Variants in AGTR1 observed in about 807,000 individuals in gnomAD.
The protein encoded by AGTR1 is angiotensin II receptor type 1.
In AGTR1, 16 loss-of-function variants were observed where a neutral mutation model predicts 19.4. That is an observed-to-expected ratio of 0.82 (90% CI 0.56 to 1.25). AGTR1 has a LOEUF of 1.25. Ranked by LOEUF, AGTR1 falls within the 50% of genes most tolerant of loss-of-function variation. The probability of loss-of-function intolerance (pLI) is 0.00; values close to 1 mark genes in which losing one functional copy is unlikely to be tolerated. For missense variants in AGTR1, 373 were observed against 431.9 expected (o/e 0.86, Z 1.21); for synonymous variants, 153 against 154.9 (o/e 0.99, Z 0.09).
rs1714961649 is a variant in AGTR1 at position 148,742,236 on chromosome 3, T to A, written c.*121T>A. 1.5e-6 allele frequency: 2 copies of A among 1,368,886 alleles called. No individual in the cohort carries two copies. The highest frequency in any genetic ancestry group is 1.8e-4 in the Middle Eastern group (1 of 5,612). The allele number at this position is 1,368,886 out of a possible 1,614,324, so 84.8% of individuals were successfully genotyped here. ...TTTCAGAATTGAAGGAGAAAATGCA[T>A]TATGTGGACTGAACCGACTTTTCTA... On this transcript the variant is annotated 3_prime_UTR_variant, in exon 3 of 3. Coordinates refer to ENST00000349243, the MANE Select transcript of AGTR1 (RefSeq NM_000685.5).
intron 2 of AGTR1, among the ~76,000 whole-genome samples, chr3:148,728,283 T>G (rs1714067496): frequency 6.6e-6 from 1 of 152,158 alleles, no homozygotes; most frequent in Admixed American, 6.5e-5. Flanking sequence ...ATGAAAGCAA[T>G]TAATGCAACA....
At chr3:148,739,654 C>G (rs998201524) in intron 2 of AGTR1, 1 of 673,804 alleles carries the variant, frequency 1.5e-6, no homozygotes, top group Non-Finnish European at 2.1e-6. Flanking sequence ...TAAAAGCTGA[C>G]TACTGGAGTT....
rs1280612178 is a variant in AGTR1 at position 148,741,026 on chromosome 3, G to A, written c.-10G>A. Reference sequence around the variant, plus strand: ...TAGTGTTTGCAACAAATTCGACCCAGGTGATCAAAATGATTCTCAACTCTT... The same window carrying A: ...TAGTGTTTGCAACAAATTCGACCCAAGTGATCAAAATGATTCTCAACTCTT... On this transcript the variant is annotated 5_prime_UTR_variant, in exon 3 of 3. Coordinates refer to ENST00000349243, the MANE Select transcript of AGTR1 (RefSeq NM_000685.5). 1 of 1,613,744 alleles carries A rather than the reference G, an allele frequency of 6.2e-7. No homozygotes were observed. The highest frequency in any genetic ancestry group is 1.1e-5 in the South Asian group (1 of 91,066).
At chr3:148,704,404 A>G (rs12721279) in intron 1 of AGTR1, among the ~76,000 whole-genome samples, 58,024 of 151,474 alleles carry the variant, frequency 0.38, 13,169 homozygotes, top group East Asian at 0.51. Context: ...TGATATCTCT[A>G]TTTTTTCCCA....
Position 148,741,564 on chromosome 3 carries a change from A to G in AGTR1, c.529A>G (p.Ile177Val), listed in dbSNP as rs533866995. The G allele has an allele frequency of 4.3e-6, 7 of 1,614,054 alleles. No homozygotes were observed. The highest frequency in any genetic ancestry group is 2.2e-5 in the South Asian group (2 of 91,080). Residue 177 changes from isoleucine (I) to valine (V), a missense_variant, in exon 3 of 3, where the codon ATT becomes GTT. By Grantham distance (29) the Ile-to-Val change is conservative. Transcript: ENST00000349243. ...TGTATTTTTCATTGAGAACACCAAT[A>G]TTACAGTTTGTGCTTTCCATTATGA... ...RNVFFIENTNITVCAFHYESQ... is the reference protein window; with the variant it reads ...RNVFFIENTNVTVCAFHYESQ...
chr3:148,714,159 T>G (rs1713154607), intron 2 of AGTR1, among the ~76,000 whole-genome samples: 1 of 152,268 alleles, frequency 6.6e-6, no homozygotes, highest in East Asian at 1.9e-4. Flanking sequence ...GACACCTACA[T>G]GCCAGACACT....
At chr3:148,722,858 C>T (rs775423202) in intron 2 of AGTR1, among the ~76,000 whole-genome samples, 25 of 152,328 alleles carry the variant, frequency 1.6e-4, no homozygotes, top group Admixed American at 1.0e-3. Context: ...CATCTCCCAA[C>T]GCTTCACATC....
chr3:148,700,053 TTCTC>T (rs913065134), intron 1 of AGTR1, among the ~76,000 whole-genome samples: 8 of 152,218 alleles, frequency 5.3e-5, no homozygotes, highest in Non-Finnish European at 1.0e-4. Flanking sequence ...GCTTCAGTCT[TTCTC>T]TCTCTTATCG....
Position 148,741,216 on chromosome 3 carries a change from ACTG to A in AGTR1, c.182_184del (p.Thr61_Val62delinsMet). The A allele has an allele frequency of 6.2e-7, 1 of 1,614,110 alleles. No homozygotes were observed. The highest frequency in any genetic ancestry group is 8.5e-7 in the Non-Finnish European group (1 of 1,180,016). On this transcript the variant is annotated inframe_deletion, in exon 3 of 3. Coordinates refer to ENST00000349243, the MANE Select transcript of AGTR1 (RefSeq NM_000685.5). Reference sequence around the variant, plus strand: ...CATTTACTTTTATATGAAGCTGAAGACTGTGGCCAGTGTTTTTCTTTTGAATTT... The same window carrying A: ...CATTTACTTTTATATGAAGCTGAAGATGGCCAGTGTTTTTCTTTTGAATTT...
rs537789164 is a variant in AGTR1, at chr3:148,742,344, C to T, written c.*229C>T. 1.1e-4 allele frequency: 69 copies of T among 654,660 alleles called. No homozygotes were observed. The highest frequency in any genetic ancestry group is 1.7e-4 in the Non-Finnish European group (61 of 358,858). 40.6% of individuals were successfully genotyped at this position (654,660 alleles called of 1,614,324 possible). ...TTGCATTAGACAGATGACGGCTGCTCGAAGAACAATGTCAGAAACTCGATG... is the reference window on the plus strand; with the variant it reads ...TTGCATTAGACAGATGACGGCTGCTTGAAGAACAATGTCAGAAACTCGATG... On this transcript the variant is annotated 3_prime_UTR_variant, in exon 3 of 3. Transcript: ENST00000349243.
intron 1 of AGTR1, among the ~76,000 whole-genome samples, chr3:148,703,541 A>T (rs1712476710): frequency 6.6e-6 from 1 of 152,218 alleles, no homozygotes; most frequent in East Asian, 1.9e-4. Flanking sequence ...CTTTCTTTAA[A>T]TTTTTTTTAT....
At chr3:148,728,761 G>A (rs887365794) in intron 2 of AGTR1, among the ~76,000 whole-genome samples, 11 of 151,916 alleles carry the variant, frequency 7.2e-5, no homozygotes, top group African/African-American at 2.7e-4. Flanking sequence ...TAACTGAGGA[G>A]AAAAAAAATA....
intron 2 of AGTR1, among the ~76,000 whole-genome samples, chr3:148,730,727 G>T (rs1383231241): frequency 6.6e-6 from 1 of 152,134 alleles, no homozygotes. Flanking sequence ...ACAGCTTGCC[G>T]AACCCCACCC....
At position 148,709,379 on chromosome 3, in the gene AGTR1, C is replaced by T. The variant is rs12695878; in HGVS notation, c.-48+1352C>T. Among the ~76,000 whole-genome samples, 888 of 152,234 alleles carry T rather than the reference C, an allele frequency of 5.8e-3. 8 individuals carry two copies. The highest frequency in any genetic ancestry group is 0.021 in the African/African-American group (859 of 41,552). On this transcript the variant is annotated intron_variant, in intron 2 of 2. Coordinates refer to ENST00000349243, the MANE Select transcript of AGTR1 (RefSeq NM_000685.5). ...GGAAATGATTCTTGGAATCAGCCTT[C>T]CTTCTACTCTATTTGGGAAGTCTTT...
chr3:148,711,006 C>T (rs1200849012), intron 2 of AGTR1, among the ~76,000 whole-genome samples: 1 of 152,144 alleles, frequency 6.6e-6, no homozygotes, highest in Non-Finnish European at 1.5e-5. Flanking sequence ...GAAGCTAACA[C>T]CATGCTTCCT....
intron 2 of AGTR1, among the ~76,000 whole-genome samples, chr3:148,725,469 A>G (rs1203178635): frequency 6.6e-6 from 1 of 152,210 alleles, no homozygotes; most frequent in East Asian, 1.9e-4. Context: ...TCTGTAAAGT[A>G]AAATTTTATG....
intron 2 of AGTR1, among the ~76,000 whole-genome samples, chr3:148,713,207 T>C (rs1713096415): frequency 6.6e-6 from 1 of 152,190 alleles, no homozygotes; most frequent in South Asian, 2.1e-4. Context: ...TTTGCAGTTT[T>C]ATTTTCTTAG....
At position 148,741,288 on chromosome 3, in the gene AGTR1, G is replaced by T. The variant is rs774646145; in HGVS notation, c.253G>T (p.Ala85Ser). The T allele has an allele frequency of 6.2e-7, 1 of 1,612,874 alleles. No individual in the cohort carries two copies. The highest frequency in any genetic ancestry group is 1.7e-5 in the Admixed American group (1 of 60,018). The change falls in exon 3 of 3, where the codon GCT (alanine) becomes TCT (serine). Residue 85 changes from alanine (A) to serine (S), a missense_variant. By Grantham distance (99) the Ala-to-Ser change is moderately conservative. Transcript: ENST00000349243. ...CTTTTTACTGACTTTGCCACTATGG[G>T]CTGTCTACACAGCTATGGAATACCG... Reference protein sequence around the residue: ...LCFLLTLPLWAVYTAMEYRWP... With the variant: ...LCFLLTLPLWSVYTAMEYRWP...
chr3:148,703,825 A>T (rs1263777761), intron 1 of AGTR1, among the ~76,000 whole-genome samples: 11 of 151,730 alleles, frequency 7.2e-5, no homozygotes, highest in African/African-American at 2.7e-4. Flanking sequence ...TCCCTCATAA[A>T]TTTTTTTTAA....
Sources: allele counts gnomAD v4.1 joint callset (sites outside exome capture counted in the v4.1 genomes callset), GRCh38; gene constraint gnomAD v4.1.1; transcripts MANE v1.5; gene names NCBI Gene and HGNC (gene_info 2026-07-23, HGNC 2026-07-21).